Variants in DEDD2 observed in about 807,000 individuals in gnomAD.
DEDD2 encodes DNA-binding death effector domain-containing protein 2.
DEDD2 carries 18 observed loss-of-function variants against 28.9 expected under a neutral mutation model. The ratio of observed to expected loss-of-function variants is 0.62; its 90% CI spans 0.43 to 0.92. The LOEUF (loss-of-function observed/expected upper bound fraction) is 0.92. Ranked by LOEUF, DEDD2 falls within the 40% of genes least tolerant of loss-of-function variation. The pLI, the probability that DEDD2 is intolerant of heterozygous loss-of-function variation, is 0.00. For missense variants in DEDD2, 411 were observed against 463.3 expected, an observed-to-expected ratio of 0.89 and a Z score of 1.04; for synonymous variants, 211 against 206.1, an observed-to-expected ratio of 1.02 and a Z score of -0.20.
Position 42,199,274 on chromosome 19 carries a change from A to C in DEDD2, c.*164T>G. The stretch of plus-strand genomic sequence containing the variant: ...CAGCTGGAAATGGTTTAGGCCTCAG[A>C]GCCCACATCCTGTGGGAGGGGCTGT... On this transcript the variant is annotated 3_prime_UTR_variant, in exon 5 of 5. Transcript: ENST00000596251. The surrounding 1 kb of genome is among the most constrained non-coding windows in gnomAD (Gnocchi z 7.4). The C allele has an allele frequency of 9.3e-7, 1 of 1,073,434 alleles. No homozygotes were observed. The highest frequency in any genetic ancestry group is 3.1e-4 in the Middle Eastern group (1 of 3,204). The allele number at this position is 1,073,434 out of a possible 1,614,324, so 66.5% of individuals were successfully genotyped here.
chr19:42,214,286 T>C (rs368383053), intron 3 of DEDD2, among the ~76,000 whole-genome samples: 190 of 152,154 alleles, frequency 1.2e-3, no homozygotes, highest in South Asian at 2.5e-3. Context: ...TGAAACCTCA[T>C]CTCTACTAAA....
chr19:42,207,984 AG>A (rs1430186119), intron 4 of DEDD2, among the ~76,000 whole-genome samples: 12 of 152,154 alleles, frequency 7.9e-5, no homozygotes, highest in Non-Finnish European at 1.8e-4. Flanking sequence ...CACCTCCACA[AG>A]GAAACTGGGG....
intron 4 of DEDD2, among the ~76,000 whole-genome samples, chr19:42,203,706 G>C (rs1377732606): frequency 1.3e-5 from 2 of 152,234 alleles, no homozygotes; most frequent in Non-Finnish European, 2.9e-5. Flanking sequence ...GGGGAGGCCA[G>C]GAAGGCCAGG....
Position 42,215,519 on chromosome 19 carries a change from T to C in DEDD2, c.329-267A>G, listed in dbSNP as rs73932878. Among the ~76,000 whole-genome samples the C allele has an allele frequency of 6.2e-3, 946 of 152,340 alleles. 13 individuals are homozygous for C. Among genetic ancestry groups the C allele is most frequent in the African/African-American group, 0.022 (896 of 41,572 alleles). On this transcript the variant is annotated intron_variant, in intron 2 of 4. Transcript: ENST00000596251. ...ATAGTCATGGTAAGGGTCCCTGTAA[T>C]GGCCCTTTGCCCTGGCATCAACTGC...
In DEDD2 at chr19:42,216,817, C is replaced by A. The variant is rs765815128; in HGVS notation, c.191G>T (p.Ser64Ile). The change falls in exon 2 of 5, where the codon AGC becomes ATC. Residue 64 changes from serine to isoleucine, a missense_variant. Ser to Ile is a moderately radical substitution (Grantham distance 142). Coordinates refer to ENST00000596251, the MANE Select transcript of DEDD2 (RefSeq NM_133328.4). ...CAGCTCCAGCAGGAGCTCTAGGCCG[C>A]TGCGGGCCCGGGCTAAGCCTCCGGC... is the stretch of plus-strand genomic sequence containing the variant. Reference protein sequence around the residue: ...GAAGGLARARSGLELLLELER... With the variant: ...GAAGGLARARIGLELLLELER... 6.3e-7 allele frequency: 1 copy of A among 1,582,844 alleles called. No individual in the cohort carries two copies.
At chr19:42,217,946 C>T (rs2036053784), upstream of DEDD2, among the ~76,000 whole-genome samples, 1 of 151,082 alleles carries the variant, frequency 6.6e-6, no homozygotes, top group East Asian at 1.9e-4. Context: ...CTGCCCGTGA[C>T]TCAAGCCACC....
At chr19:42,205,174 G>A (rs556432975) in intron 4 of DEDD2, among the ~76,000 whole-genome samples, 10 of 152,274 alleles carry the variant, frequency 6.6e-5, no homozygotes, top group Admixed American at 2.6e-4. Flanking sequence ...AAATGCCACA[G>A]GACAACTGCT....
chr19:42,218,165 C>T (rs896908249), upstream of DEDD2, among the ~76,000 whole-genome samples: 1 of 152,126 alleles, frequency 6.6e-6, no homozygotes, highest in Admixed American at 6.5e-5. Context: ...TTGTCCCTCA[C>T]TTCTAGTGAC....
Position 42,209,816 on chromosome 19 carries a change from C to T in DEDD2, c.473G>A (p.Arg158Gln), listed in dbSNP as rs779165604. 1.9e-5 allele frequency: 29 copies of T among 1,554,782 alleles called. No homozygotes were observed. Among genetic ancestry groups the T allele is most frequent in the East Asian group, 4.8e-5 (2 of 41,740 alleles). The change falls in exon 4 of 5, where the codon CGG (arginine) becomes CAG (glutamine). Residue 158 changes from arginine (R) to glutamine (Q), a missense_variant. Transcript: ENST00000596251. ...ETGSPPTKRQ[R>Q]RSRGRPSGGA... Reference sequence around the variant, plus strand: ...ACCACTGGGCCGGCCCCGACTCCGCCGCTGCCGCTTGGTTGGGGGGGAGCC... The same window carrying T: ...ACCACTGGGCCGGCCCCGACTCCGCTGCTGCCGCTTGGTTGGGGGGGAGCC...
chr19:42,219,252 C>T (rs2036084909), upstream of DEDD2, among the ~76,000 whole-genome samples: 1 of 150,324 alleles, frequency 6.7e-6, no homozygotes, highest in South Asian at 2.1e-4. Flanking sequence ...TGCCGTGAGC[C>T]GAGATTGCGC....
chr19:42,213,765 G>T (rs1305217803), intron 3 of DEDD2, among the ~76,000 whole-genome samples: 2 of 152,134 alleles, frequency 1.3e-5, no homozygotes, highest in Admixed American at 6.5e-5. Context: ...ACAGGAAAAA[G>T]AAAAAGGTAT....
At chr19:42,205,729 G>GATC (rs1404139894) in intron 4 of DEDD2, among the ~76,000 whole-genome samples, 1 of 152,154 alleles carries the variant, frequency 6.6e-6, no homozygotes, top group East Asian at 1.9e-4. Context: ...CCTAAGATGA[G>GATC]ATCAGCCATG....
At chr19:42,218,280 AC>A (rs1031725574), upstream of DEDD2, among the ~76,000 whole-genome samples, 4 of 147,444 alleles carry the variant, frequency 2.7e-5, no homozygotes, top group African/African-American at 7.6e-5. Context: ...CCTGATCAAA[AC>A]CAGAATTCCC....
chr19:42,213,550 T>C (rs140578322), intron 3 of DEDD2, among the ~76,000 whole-genome samples: 128 of 152,270 alleles, frequency 8.4e-4, no homozygotes, highest in African/African-American at 2.8e-3. Flanking sequence ...CAATATGAAC[T>C]AGATGGCAGC....
At position 42,216,957 on chromosome 19, in the gene DEDD2, G is replaced by A. The variant is rs751952688; in HGVS notation, c.51C>T (p.Cys17=). 8 of 1,602,244 alleles carry A rather than the reference G, an allele frequency of 5.0e-6. No homozygotes were observed. In the Admixed American group the frequency reaches 1.2e-4, roughly 24 times the overall value. The change falls in exon 2 of 5, where the codon TGC becomes TGT. Residue 17 remains cysteine (C), a synonymous_variant. Coordinates refer to ENST00000596251, the MANE Select transcript of DEDD2 (RefSeq NM_133328.4). ...GCGACAGCATCCCGTAGTAGTCCAG[G>A]CACTCATCCTCCTCCCAGCACGGGG... is the stretch of plus-strand genomic sequence containing the variant. The part of the protein sequence containing the change: ...TPAPCWEEDE[C]LDYYGMLSLH...
chr19:42,207,238 G>A (rs867676032), intron 4 of DEDD2, among the ~76,000 whole-genome samples: 1 of 152,196 alleles, frequency 6.6e-6, no homozygotes, highest in Non-Finnish European at 1.5e-5. Context: ...ACCCAGCACA[G>A]GTTATCTGCT....
chr19:42,215,327 C>T, intron 2 of DEDD2, 75 bp from the exon 3 acceptor site: 1 of 1,577,438 alleles, frequency 6.3e-7, no homozygotes. Flanking sequence ...AATGCCTGCA[C>T]CACGAGGTGC....
Position 42,199,960 on chromosome 19 carries a change from CCTCCCCGGCT to C in DEDD2, c.590-141_590-132del. Reference sequence around the variant, plus strand: ...TAGCCACACCCTAGTCCTGACACAGCCTCCCCGGCTCTGTGGGGTTCCCTGACCAAGTACG... The same window carrying C: ...TAGCCACACCCTAGTCCTGACACAGCCTGTGGGGTTCCCTGACCAAGTACG... On this transcript the variant is annotated intron_variant, in intron 4 of 4. Transcript: ENST00000596251. This position sits in a 1 kb window ranked among gnomAD's most constrained non-coding sequence, Gnocchi z 7.4. The C allele has an allele frequency of 7.3e-7, 1 of 1,368,444 alleles. No individual in the cohort carries two copies. The highest frequency in any genetic ancestry group is 9.7e-7 in the Non-Finnish European group (1 of 1,026,290). 84.8% of individuals were successfully genotyped at this position (1,368,444 alleles called of 1,614,324 possible). A position where few individuals can be genotyped will look rare whatever the true frequency, so the allele number is the denominator to read the frequency against.
Position 42,199,728 on chromosome 19 carries a change from C to T in DEDD2, c.691G>A (p.Val231Met), listed in dbSNP as rs765354075. The T allele has an allele frequency of 7.4e-6, 12 of 1,613,606 alleles. No homozygotes were observed. Among genetic ancestry groups the T allele is most frequent in the African/African-American group, 1.3e-5 (1 of 75,062 alleles). ...RPQALARQLD[V>M]FGQATAVLRS... ...AGCACTGCGGTGGCCTGCCCAAACACGTCCAGCTGCCGCGCCAGCGCCTGG... is the reference window on the plus strand; with the variant it reads ...AGCACTGCGGTGGCCTGCCCAAACATGTCCAGCTGCCGCGCCAGCGCCTGG... Residue 231 changes from valine (V) to methionine (M), a missense_variant, in exon 5 of 5, where the codon GTG (valine) becomes ATG (methionine). Val to Met is a conservative substitution (Grantham distance 21). Around this residue, in one of 2 missense-constraint regions of DEDD2, gnomAD observed 129 missense variants for 189.9 expected, o/e 0.68. Transcript: ENST00000596251. The surrounding 1 kb of genome is among the most constrained non-coding windows in gnomAD (Gnocchi z 7.4).
Sources: allele counts gnomAD v4.1 joint callset (sites outside exome capture counted in the v4.1 genomes callset), GRCh38; gene constraint gnomAD v4.1.1; regional missense constraint gnomAD v4.1.1; non-coding constraint Gnocchi (gnomAD v3.1); transcripts MANE v1.5; gene names NCBI Gene and HGNC (gene_info 2026-07-23, HGNC 2026-07-21).